Variants in BCL2 observed in about 807,000 individuals in gnomAD.
The protein encoded by BCL2 is apoptosis regulator Bcl-2.
Under a neutral mutation model 14.2 loss-of-function variants are expected in BCL2, and 1 was observed. The ratio of observed to expected loss-of-function variants is 0.07; its 90% confidence interval spans 0.02 to 0.33. The LOEUF is 0.33. BCL2 is among the 10% of genes least tolerant of loss of function. BCL2 has a pLI of 0.99. For missense variants in BCL2, 247 were observed against 305.9 expected (o/e 0.81, Z 1.44); for synonymous variants, 151 against 137.2 (o/e 1.10, Z -0.70).
At chr18:63,190,206 TG>T (rs1400081835) in intron 2 of BCL2, among the ~76,000 whole-genome samples, 1 of 152,180 alleles carries the variant, frequency 6.6e-6, no homozygotes, top group Non-Finnish European at 1.5e-5. Context: ...AAGAATCCCA[TG>T]TAAGACTGTT....
chr18:63,193,970 A>G (rs1909368150), intron 2 of BCL2, among the ~76,000 whole-genome samples: 1 of 152,254 alleles, frequency 6.6e-6, no homozygotes, highest in Admixed American at 6.5e-5. Flanking sequence ...TAAATGAGAT[A>G]AACCACACAA....
intron 2 of BCL2, among the ~76,000 whole-genome samples, chr18:63,218,762 C>A (rs77464365): frequency 3.2e-3 from 3 of 944 alleles, no homozygotes; most frequent in Non-Finnish European, 3.6e-3. Context: ...ACTCATCCCC[C>A]TCTACTCATC....
chr18:63,314,488 A>C (rs927207333), intron 2 of BCL2: 1 of 152,232 alleles, frequency 6.6e-6, no homozygotes, highest in African/African-American at 2.4e-5. Flanking sequence ...ACCAAAAAAT[A>C]AGTCGGATTA....
At chr18:63,236,092 C>G (rs1230487207) in intron 2 of BCL2, among the ~76,000 whole-genome samples, 1 of 152,138 alleles carries the variant, frequency 6.6e-6, no homozygotes, top group Admixed American at 6.5e-5. Flanking sequence ...GAATAAGTCT[C>G]ACAAGATCTG....
intron 2 of BCL2, among the ~76,000 whole-genome samples, chr18:63,227,377 T>G (rs552664839): frequency 1.4e-4 from 21 of 152,338 alleles, no homozygotes; most frequent in South Asian, 1.0e-3. Context: ...CTGGCTAATT[T>G]TTTGTATTTT....
intron 2 of BCL2, among the ~76,000 whole-genome samples, chr18:63,261,868 C>A (rs1911670815): frequency 6.6e-6 from 1 of 151,918 alleles, no homozygotes; most frequent in African/African-American, 2.4e-5. Flanking sequence ...CAACCTCTAC[C>A]TCCCAGGTTC....
rs2144325042 is a variant in BCL2 at position 63,318,505 on chromosome 18, C to T, written c.162G>A (p.Gly54=). The part of the protein sequence containing the change: ...PAPGIFSSQP[G]HTPHPAASRD... ...GGGATGCGGCTGGATGGGGCGTGTG[C>T]CCGGGCTGGGAGGAGAAGATGCCCG... is the stretch of plus-strand genomic sequence containing the variant. The change falls in exon 2 of 3, where the codon GGG becomes GGA. Residue 54 remains glycine, a synonymous_variant. Transcript: ENST00000333681. This position sits in a 1 kb window ranked among gnomAD's most constrained non-coding sequence, Gnocchi z 7.4. The T allele has an allele frequency of 1.3e-6, 2 of 1,541,160 alleles. No individual in the cohort carries two copies. Among genetic ancestry groups the T allele is most frequent in the Non-Finnish European group, 1.7e-6 (2 of 1,152,422 alleles).
chr18:63,258,147 C>T lies in BCL2; in HGVS notation c.585+59935G>A, dbSNP rs532270136. ...GAGGGCAAGCTAAGGACCGATGGCA[C>T]TTCCAGGAGCTGGAAGAGGTGGGGG... is the stretch of plus-strand genomic sequence containing the variant. On this transcript the variant is annotated intron_variant, in intron 2 of 2. Coordinates refer to ENST00000333681, the MANE Select transcript of BCL2 (RefSeq NM_000633.3). Among the ~76,000 whole-genome samples the T allele has an allele frequency of 1.5e-4, 23 of 152,340 alleles. No homozygotes were observed. The South Asian group carries it at 4.8e-3, about 32-fold the overall frequency.
intron 2 of BCL2, among the ~76,000 whole-genome samples, chr18:63,289,006 A>G (rs1292616655): frequency 6.6e-6 from 1 of 152,236 alleles, no homozygotes; most frequent in African/African-American, 2.4e-5. Flanking sequence ...GAATGAAGCT[A>G]GGAGAGAAGT....
intron 2 of BCL2, among the ~76,000 whole-genome samples, chr18:63,166,485 G>A (rs753906579): frequency 4.9e-4 from 75 of 152,200 alleles, no homozygotes; most frequent in Non-Finnish European, 4.9e-4. Context: ...AGTTGACTGC[G>A]CCAGCTCTCA....
intron 2 of BCL2, among the ~76,000 whole-genome samples, chr18:63,273,052 G>T (rs1224909779): frequency 6.6e-6 from 1 of 151,136 alleles, no homozygotes; most frequent in Non-Finnish European, 1.5e-5. Flanking sequence ...CTTTTAGGAA[G>T]ATTTGATAAT....
intron 2 of BCL2, among the ~76,000 whole-genome samples, chr18:63,235,002 A>G (rs78096097): frequency 0.029 from 4,359 of 152,282 alleles, 136 homozygotes; most frequent in East Asian, 0.1. Flanking sequence ...CAACGAACCA[A>G]TAGAAAAACG....
At chr18:63,135,822 G>T (rs1306946082) in intron 2 of BCL2, among the ~76,000 whole-genome samples, 2 of 152,050 alleles carry the variant, frequency 1.3e-5, no homozygotes, top group East Asian at 3.9e-4. Flanking sequence ...TGCCCTCCTA[G>T]AAAAGCTGCC....
At chr18:63,275,497 G>C (rs1345146251) in intron 2 of BCL2, among the ~76,000 whole-genome samples, 1 of 152,146 alleles carries the variant, frequency 6.6e-6, no homozygotes, top group Non-Finnish European at 1.5e-5. Context: ...TTCCATTCTG[G>C]TGCTAAATAC....
At chr18:63,242,933 CA>C (rs528892002) in intron 2 of BCL2, among the ~76,000 whole-genome samples, 2 of 152,106 alleles carry the variant, frequency 1.3e-5, no homozygotes, top group Non-Finnish European at 2.9e-5. Context: ...TGAAATGCCC[CA>C]AAAAGTTGTT....
At position 63,280,592 on chromosome 18, in the gene BCL2, C is replaced by T. The variant is rs115922891; in HGVS notation, c.585+37490G>A. Among the ~76,000 whole-genome samples the T allele has an allele frequency of 8.1e-3, 1,227 of 152,280 alleles. 12 individuals carry two copies. The highest frequency in any genetic ancestry group is 0.028 in the African/African-American group (1,171 of 41,556). On this transcript the variant is annotated intron_variant, in intron 2 of 2. Transcript: ENST00000333681. ...CGCACATAAGAAAGATGCTCAACAT[C>T]ATTAATCACTAGGAAGATCCAAATC...
chr18:63,308,541 G>A (rs568584555), intron 2 of BCL2, among the ~76,000 whole-genome samples: 1 of 152,342 alleles, frequency 6.6e-6, no homozygotes, highest in Non-Finnish European at 1.5e-5. Context: ...TAAACAGATA[G>A]AATGTGACAA....
chr18:63,193,002 C>T (rs2144653526), intron 2 of BCL2, among the ~76,000 whole-genome samples: 1 of 152,304 alleles, frequency 6.6e-6, no homozygotes, highest in East Asian at 1.9e-4. Context: ...AAATAACACC[C>T]CGTGATGAAA....
intron 2 of BCL2, among the ~76,000 whole-genome samples, chr18:63,309,067 T>G (rs1913227729): frequency 2.0e-5 from 3 of 152,212 alleles, no homozygotes; most frequent in Admixed American, 2.0e-4. Flanking sequence ...ACTCATTAAG[T>G]TGGCAAACTG....
Sources: allele counts gnomAD v4.1 joint callset (sites outside exome capture counted in the v4.1 genomes callset), GRCh38; gene constraint gnomAD v4.1.1; non-coding constraint Gnocchi (gnomAD v3.1); transcripts MANE v1.5; gene names NCBI Gene and HGNC (gene_info 2026-07-23, HGNC 2026-07-21).